Variants in NEMP1 observed in about 807,000 individuals in gnomAD.
NEMP1 encodes the protein nuclear envelope integral membrane protein 1, also known as transmembrane protein 194.
In NEMP1, 29 loss-of-function variants were observed where a neutral mutation model predicts 53.7. The observed-to-expected ratio is 0.54, with a 90% CI of 0.40 to 0.74. The LOEUF (loss-of-function observed/expected upper bound fraction) is 0.74, where lower values mean the gene tolerates loss of function less well. NEMP1 is among the 30% of genes least tolerant of loss of function. The pLI is 0.00. For synonymous variants in NEMP1, 193 were observed against 192.9 expected, an observed-to-expected ratio of 1.00 and a Z score of 0.00; for missense variants, 477 against 528.6, an observed-to-expected ratio of 0.90 and a Z score of 0.96.
At chr12:57,075,618 G>A (rs2032573763) in intron 1 of NEMP1, among the ~76,000 whole-genome samples, 1 of 150,928 alleles carries the variant, frequency 6.6e-6, no homozygotes, top group South Asian at 2.1e-4. Context: ...GACCTCAGGA[G>A]TTTGAGACCA....
upstream of NEMP1, among the ~76,000 whole-genome samples, chr12:57,082,248 G>A (rs1424027685): frequency 6.6e-6 from 1 of 152,016 alleles, no homozygotes; most frequent in Non-Finnish European, 1.5e-5. Context: ...AAAACTCAAA[G>A]GAAATCTGAA....
rs1042741948 is a variant in NEMP1, at chr12:57,057,451, G to C, written c.*2428C>G. On this transcript the variant is annotated 3_prime_UTR_variant, in exon 9 of 9. Transcript: ENST00000300128. ...AACTAAGTGGCCAAGAGGGAGACAA[G>C]AGCAGCTCCTAAAGAAGGTTGAAGT... The C allele has an allele frequency of 1.3e-5, 2 of 152,338 alleles. No individual in the cohort carries two copies. Among genetic ancestry groups the C allele is most frequent in the Admixed American group, 6.5e-5 (1 of 15,278 alleles). 9.4% of individuals were successfully genotyped at this position (152,338 alleles called of 1,614,324 possible).
At position 57,063,309 on chromosome 12, in the gene NEMP1, CT is replaced by C. The variant is rs939441012; in HGVS notation, c.789del (p.Val264TyrfsTer17). 6.2e-7 allele frequency: 1 copy of C among 1,614,102 alleles called. No homozygotes were observed. The highest frequency in any genetic ancestry group is 8.5e-7 in the Non-Finnish European group (1 of 1,180,046). On this transcript the variant is annotated frameshift_variant, in exon 7 of 9. Coordinates refer to ENST00000300128, the MANE Select transcript of NEMP1 (RefSeq NM_001130963.2). LOFTEE classifies it high-confidence loss of function. Reference sequence around the variant, plus strand: ...TCCAAGGGCCCATACTTGTAACATACTGCAAAACTCATGAATCCAACTGTGA... The same window carrying C: ...TCCAAGGGCCCATACTTGTAACATACGCAAAACTCATGAATCCAACTGTGA... ...YVLTVGFMSF[A>X]VCYKYGPLEN...
chr12:57,069,161 T>C (rs1298137180), intron 4 of NEMP1, 73 bp downstream of exon 4: 4 of 1,066,462 alleles, frequency 3.8e-6, no homozygotes, highest in Admixed American at 3.3e-5. Flanking sequence ...ATGGCAGTAC[T>C]TAATAGTTAC....
At chr12:57,087,877 C>T (rs1024450410) in intron 1 of NEMP1, 3 of 152,182 alleles carry the variant, frequency 2.0e-5, no homozygotes, top group African/African-American at 4.8e-5. Context: ...GGCTTAGAGT[C>T]TATGGGCCGG....
intron 1 of NEMP1, among the ~76,000 whole-genome samples, chr12:57,074,549 C>G (rs2032511862): frequency 6.6e-6 from 1 of 151,990 alleles, no homozygotes; most frequent in African/African-American, 2.4e-5. Flanking sequence ...AACTGATCCA[C>G]CCACCTCAGC....
In NEMP1 at chr12:57,086,130, C is replaced by T. The variant is rs1355982802; in HGVS notation, n.113+1821G>A. Among the ~76,000 whole-genome samples the T allele has an allele frequency of 2.0e-5, 3 of 152,284 alleles. No homozygotes were observed. The East Asian group carries it at 5.8e-4, about 29-fold the overall frequency. On this transcript the variant is annotated intron_variant and non_coding_transcript_variant, in intron 1 of 2. Coordinates refer to the NEMP1 transcript ENST00000553654. Reference sequence around the variant, plus strand: ...CCAAACCTTGCTGAGTGAGTCGGATCTGGCCCAGTGGAGACGTTGGGGGAG... The same window carrying T: ...CCAAACCTTGCTGAGTGAGTCGGATTTGGCCCAGTGGAGACGTTGGGGGAG...
chr12:57,066,011 T>C (rs2032055671), intron 4 of NEMP1, among the ~76,000 whole-genome samples: 2 of 151,814 alleles, frequency 1.3e-5, no homozygotes, highest in Non-Finnish European at 2.9e-5. Flanking sequence ...TCCCAGCACT[T>C]TGGGAGGCTG....
At chr12:57,063,937 A>C in intron 6 of NEMP1, 134 bp downstream of exon 6, 1 of 567,606 alleles carries the variant, frequency 1.8e-6, no homozygotes, top group Non-Finnish European at 3.1e-6. Flanking sequence ...ATAAGTGAAA[A>C]ACTATGATTT....
intron 7 of NEMP1, among the ~76,000 whole-genome samples, chr12:57,062,769 G>A (rs181476524): frequency 2.0e-5 from 3 of 151,796 alleles, no homozygotes; most frequent in South Asian, 2.1e-4. Flanking sequence ...GTTTGAACCC[G>A]GGAGGTGGAG....
At position 57,070,918 on chromosome 12, in the gene NEMP1, G is replaced by A. The variant is rs1318814606; in HGVS notation, c.253-25C>T. 5 of 1,544,658 alleles carry A rather than the reference G, an allele frequency of 3.2e-6. No homozygotes were observed. In the Admixed American group the frequency reaches 1.0e-4, roughly 31 times the overall value. ...TCTGTAACACAAATAAAATCAGGAT[G>A]AGAAAAAAGGAAGTAGGAATTTTAA... On this transcript the variant is annotated intron_variant, in intron 2 of 8. Transcript: ENST00000300128.
At position 57,056,870 on chromosome 12, in the gene NEMP1, A is replaced by G. The variant is rs977283208; in HGVS notation, c.*3009T>C. ...GCTGGGCCCTAGAATGGAATCTATT[A>G]GCATAAAATGGAACAGTGGGACCCA... On this transcript the variant is annotated 3_prime_UTR_variant, in exon 9 of 9. Transcript: ENST00000300128. 6.6e-6 allele frequency: 1 copy of G among 152,344 alleles called. No homozygotes were observed. The highest frequency in any genetic ancestry group is 6.5e-5 in the Admixed American group (1 of 15,300). 9.4% of individuals were successfully genotyped at this position (152,344 alleles called of 1,614,324 possible). A position where few individuals can be genotyped will look rare whatever the true frequency, so the allele number is the denominator to read the frequency against.
chr12:57,065,976 C>T (rs976396420), intron 4 of NEMP1, among the ~76,000 whole-genome samples: 2 of 151,720 alleles, frequency 1.3e-5, no homozygotes, highest in Non-Finnish European at 2.9e-5. Context: ...TGTATCTGGC[C>T]GGGCATGGTG....
chr12:57,083,869 G>A (rs1359444134), intron 1 of NEMP1, among the ~76,000 whole-genome samples: 2 of 152,252 alleles, frequency 1.3e-5, no homozygotes, highest in Non-Finnish European at 2.9e-5. Flanking sequence ...TGCTTCCCAG[G>A]TTCAAGCGAT....
intron 4 of NEMP1, among the ~76,000 whole-genome samples, chr12:57,068,536 T>C (rs1176381820): frequency 6.6e-6 from 1 of 151,998 alleles, no homozygotes; most frequent in Non-Finnish European, 1.5e-5. Context: ...TAGACAGGGT[T>C]TTGCCATGTT....
At chr12:57,087,087 C>T (rs747805256) in intron 1 of NEMP1, among the ~76,000 whole-genome samples, 2 of 152,216 alleles carry the variant, frequency 1.3e-5, no homozygotes, top group African/African-American at 4.8e-5. Flanking sequence ...TTTCTCTTCC[C>T]TCGTCCCTCT....
Position 57,087,570 on chromosome 12 carries a change from AC to A in NEMP1, n.113+380del, listed in dbSNP as rs1270712607. Among the ~76,000 whole-genome samples the A allele has an allele frequency of 2.0e-5, 3 of 151,422 alleles. No homozygotes were observed. In the East Asian group the frequency reaches 5.8e-4, roughly 29 times the overall value. Reference sequence around the variant, plus strand: ...AGACGGGACTCTGCTCGTTCCCACCACCCCCACTGTGTTTGGCGCTTAATAG... The same window carrying A: ...AGACGGGACTCTGCTCGTTCCCACCACCCCACTGTGTTTGGCGCTTAATAG... On this transcript the variant is annotated intron_variant and non_coding_transcript_variant, in intron 1 of 2. Coordinates refer to the NEMP1 transcript ENST00000553654.
At position 57,059,699 on chromosome 12, in the gene NEMP1, CA is replaced by C. The variant is rs2031701419; in HGVS notation, c.*179del. 7 of 557,716 alleles carry C rather than the reference CA, an allele frequency of 1.3e-5. No homozygotes were observed. The highest frequency in any genetic ancestry group is 2.2e-5 in the Non-Finnish European group (7 of 316,162). The allele number at this position is 557,716 out of a possible 1,614,324, so 34.5% of individuals were successfully genotyped here. A position where few individuals can be genotyped will look rare whatever the true frequency, so the allele number is the denominator to read the frequency against. On this transcript the variant is annotated 3_prime_UTR_variant, in exon 9 of 9. Coordinates refer to ENST00000300128, the MANE Select transcript of NEMP1 (RefSeq NM_001130963.2). ...CACTACTTTATCCACTCTCCTTCCT[CA>C]GGGATCCCATAGAGACCTCCCATTT...
intron 4 of NEMP1, among the ~76,000 whole-genome samples, chr12:57,065,526 T>C (rs1159784348): frequency 2.0e-5 from 3 of 151,460 alleles, no homozygotes; most frequent in African/African-American, 7.3e-5. Context: ...TTCATCTTTT[T>C]TTTTTTTTTT....
Sources: gnomAD v4.1 joint callset for allele counts (sites outside exome capture counted in the v4.1 genomes callset) on GRCh38, gnomAD v4.1.1 for gene constraint, MANE v1.5 for transcripts, NCBI Gene and HGNC (gene_info 2026-07-23, HGNC 2026-07-21) for gene names.